The following MYO15A variants were observed in gnomAD, a reference collection of about 807,000 sequenced individuals.
The protein encoded by MYO15A is unconventional myosin-XV.
In MYO15A, 308 loss-of-function variants were observed where a neutral mutation model predicts 394.6. That is an observed-to-expected ratio of 0.78 (90% confidence interval 0.71 to 0.86). MYO15A has a LOEUF of 0.86. MYO15A is among the 40% of genes least tolerant of loss of function. The probability of loss-of-function intolerance (pLI) is 0.00; values close to 1 mark genes in which losing one functional copy is unlikely to be tolerated. For missense variants in MYO15A, 4,606 were observed against 4,799.1 expected (o/e 0.96, Z 1.19); for synonymous variants, 1,957 against 2,003.8 (o/e 0.98, Z 0.62).
intron 15 of MYO15A, 61 bp downstream of exon 15, chr17:18,136,747 C>A: frequency 6.5e-7 from 1 of 1,531,914 alleles, no homozygotes; most frequent in Non-Finnish European, 8.8e-7. Context: ...CTCCCTCAGG[C>A]GTCTCGGGCT....
intron 15 of MYO15A, 99 bp downstream of exon 15, chr17:18,136,785 A>C: frequency 6.8e-7 from 1 of 1,480,936 alleles, no homozygotes; most frequent in Non-Finnish European, 9.1e-7. Context: ...CTGTGCCTGC[A>C]GCAGGTGCCA....
chr17:18,132,937 C>T lies in MYO15A; in HGVS notation c.4321-288C>T, dbSNP rs2046194834. On this transcript the variant is annotated intron_variant, in intron 11 of 65. Coordinates refer to ENST00000647165, the MANE Select transcript of MYO15A (RefSeq NM_016239.4). The surrounding 1 kb of genome is among the most constrained non-coding windows in gnomAD (Gnocchi z 4.6). ...GAGGAAACGCATGTAAAGAGCTTAG[C>T]ACAGGGCCTGGCATGCAGTACATGC... is the stretch of plus-strand genomic sequence containing the variant. 6.6e-6 allele frequency among the ~76,000 whole-genome samples: 1 copy of T among 152,302 alleles called. No individual in the cohort carries two copies. The highest frequency in any genetic ancestry group is 1.5e-5 in the Non-Finnish European group (1 of 68,024).
At chr17:18,136,714 G>T in intron 15 of MYO15A, 28 bp downstream of exon 15, 1 of 1,568,624 alleles carries the variant, frequency 6.4e-7, no homozygotes. Context: ...GCTGAGGGGC[G>T]GGGGACATAG....
intron 47 of MYO15A, 88 bp downstream of exon 47, chr17:18,155,520 A>G: frequency 8.1e-7 from 1 of 1,236,722 alleles, no homozygotes; most frequent in South Asian, 1.2e-5. Context: ...CCACTTACCA[A>G]GTACCCATGA....
At chr17:18,163,167 C>A in intron 58 of MYO15A, 77 bp from the exon 59 acceptor site, 1 of 1,489,302 alleles carries the variant, frequency 6.7e-7, no homozygotes, top group Non-Finnish European at 9.4e-7. Context: ...GGCTTGGGAA[C>A]TCCCAGGGCA....
intron 29 of MYO15A, among the ~76,000 whole-genome samples, chr17:18,145,581 G>C (rs1009129568): frequency 2.6e-5 from 4 of 152,130 alleles, no homozygotes; most frequent in Non-Finnish European, 5.9e-5. Context: ...GGGTGTGGCT[G>C]CATGTGCCTG....
At chr17:18,138,709 G>C in intron 17 of MYO15A, 102 bp from the exon 18 acceptor site, 2 of 1,479,296 alleles carry the variant, frequency 1.4e-6, no homozygotes, top group East Asian at 2.4e-5. Context: ...GTTCCTCTCT[G>C]GTGCTCAGTT....
At chr17:18,125,685 A>C in intron 4 of MYO15A, 1 of 130,256 alleles carries the variant, frequency 7.7e-6, no homozygotes, top group Non-Finnish European at 1.5e-5. Flanking sequence ...AGCCTGGGTG[A>C]CAGACAGAGC....
intron 64 of MYO15A, chr17:18,172,575 G>A (rs569034533): frequency 8.6e-5 from 42 of 488,124 alleles, no homozygotes; most frequent in South Asian, 8.3e-4. Context: ...CATAATAAAA[G>A]ACCACAGACT....
intron 65 of MYO15A, among the ~76,000 whole-genome samples, chr17:18,175,290 A>ATTTTTTTTTTTTT (rs1474662829): frequency 5.3e-5 from 3 of 56,130 alleles, no homozygotes; most frequent in African/African-American, 1.9e-4. Context: ...CCTCTAGACT[A>ATTTTTTTTTTTTT]TCTTTTTTTT....
intron 62 of MYO15A, among the ~76,000 whole-genome samples, chr17:18,170,919 G>C (rs948861902): frequency 6.6e-6 from 1 of 152,174 alleles, no homozygotes; most frequent in Non-Finnish European, 1.5e-5. Context: ...CCAAAACTGG[G>C]GAGGCTGGGT....
intron 47 of MYO15A, chr17:18,155,826 A>T: frequency 2.4e-6 from 1 of 417,354 alleles, no homozygotes; most frequent in Admixed American, 3.7e-5. Context: ...CCTTTTTAAC[A>T]CGAGGATGGG....
At chr17:18,165,755 T>C (rs749979994) in intron 60 of MYO15A, among the ~76,000 whole-genome samples, 1 of 152,258 alleles carries the variant, frequency 6.6e-6, no homozygotes, top group African/African-American at 2.4e-5. Flanking sequence ...GTGGTAATCA[T>C]GTAATCATAC....
intron 24 of MYO15A, 86 bp from the exon 25 acceptor site, chr17:18,142,670 G>T: frequency 8.4e-7 from 1 of 1,189,138 alleles, no homozygotes; most frequent in Non-Finnish European, 1.2e-6. Flanking sequence ...TGGCTCCCAG[G>T]CCAGGCTGGC....
rs2045686844 is a variant in MYO15A at position 18,108,840 on chromosome 17, C to G, written c.-220+16C>G. ...CAGAACGCAGGTAAGGAGACCTTAG[C>G]CTAGAGTCCTTGGGGTCTGTCACTG... is the stretch of plus-strand genomic sequence containing the variant. On this transcript the variant is annotated intron_variant, in intron 1 of 65. Transcript: ENST00000647165. 6.5e-6 allele frequency: 1 copy of G among 152,734 alleles called. No individual in the cohort carries two copies. Among genetic ancestry groups the G allele is most frequent in the Non-Finnish European group, 1.5e-5 (1 of 68,120 alleles). 9.5% of individuals were successfully genotyped at this position (152,734 alleles called of 1,614,324 possible). A position where few individuals can be genotyped will look rare whatever the true frequency, so the allele number is the denominator to read the frequency against.
chr17:18,163,753 C>A lies in MYO15A; in HGVS notation c.9702C>A (p.Asp3234Glu), dbSNP rs768813635. 2.5e-6 allele frequency: 4 copies of A among 1,613,302 alleles called. No homozygotes were observed. Among genetic ancestry groups the A allele is most frequent in the Non-Finnish European group, 3.4e-6 (4 of 1,179,702 alleles). ...LKIKTCTVAL[D>E]VVEEICAEMA... Reference sequence around the variant, plus strand: ...CGCCCCACCCCCAGGTGGCCCTGGACGTGGTGGAAGAGATATGTGCTGAGA... The same window carrying A: ...CGCCCCACCCCCAGGTGGCCCTGGAAGTGGTGGAAGAGATATGTGCTGAGA... The change falls in exon 60 of 66, where the codon GAC becomes GAA. Residue 3234 changes from aspartate to glutamate, a missense_variant. Coordinates refer to ENST00000647165, the MANE Select transcript of MYO15A (RefSeq NM_016239.4).
chr17:18,166,479 C>A lies in MYO15A; in HGVS notation c.9906C>A (p.Leu3302=), dbSNP rs1354391783. 2 of 1,613,856 alleles carry A rather than the reference C, an allele frequency of 1.2e-6. No individual in the cohort carries two copies. Among genetic ancestry groups the A allele is most frequent in the Non-Finnish European group, 1.7e-6 (2 of 1,180,054 alleles). Residue 3302 remains leucine, a synonymous_variant, in exon 61 of 66, where the codon CTC becomes CTA. Transcript: ENST00000647165. ...WFRRVLWDQP[L]KFENELYVTM... ...GGCGTGTGCTCTGGGATCAGCCACT[C>A]AAGTTCGAGAATGAGCTATATGTGA...
intron 58 of MYO15A, among the ~76,000 whole-genome samples, chr17:18,162,976 G>C (rs1428460141): frequency 6.6e-6 from 1 of 152,186 alleles, no homozygotes; most frequent in Non-Finnish European, 1.5e-5. Flanking sequence ...TTCCAGCCTG[G>C]GTGACAGAGC....
chr17:18,131,398 G>C, intron 9 of MYO15A, 56 bp downstream of exon 9: 1 of 1,613,114 alleles, frequency 6.2e-7, no homozygotes, highest in Non-Finnish European at 8.5e-7. Flanking sequence ...TCCATGTCCT[G>C]CCACAGCCCC....
Sources: allele counts gnomAD v4.1 joint callset (sites outside exome capture counted in the v4.1 genomes callset), GRCh38; gene constraint gnomAD v4.1.1; non-coding constraint Gnocchi (gnomAD v3.1); transcripts MANE v1.5; gene names NCBI Gene and HGNC (gene_info 2026-07-23, HGNC 2026-07-21).